Variants in SGCD observed in about 807,000 individuals in gnomAD.
SGCD encodes the protein delta-sarcoglycan.
Under a neutral mutation model 36.6 loss-of-function variants are expected in SGCD, and 18 were observed. The ratio of observed to expected loss-of-function variants is 0.49; its 90% CI spans 0.34 to 0.73. The LOEUF is 0.73. SGCD is among the 30% of genes least tolerant of loss of function. The pLI is 0.01. For missense variants in SGCD, 387 were observed against 346.7 expected, an observed-to-expected ratio of 1.12 and a Z score of -0.92; for synonymous variants, 133 against 130.6, an observed-to-expected ratio of 1.02 and a Z score of -0.12.
At chr5:156,630,974 TAACA>T (rs1255721265) in intron 6 of SGCD, among the ~76,000 whole-genome samples, 5 of 152,042 alleles carry the variant, frequency 3.3e-5, no homozygotes, top group African/African-American at 1.2e-4. Context: ...CTAAATAAAC[TAACA>T]AACAGAGAAA....
intron 3 of SGCD, among the ~76,000 whole-genome samples, chr5:156,183,031 G>A (rs374408227): frequency 1.3e-5 from 2 of 152,020 alleles, no homozygotes; most frequent in Non-Finnish European, 2.9e-5. Flanking sequence ...TGTAATCCTA[G>A]CACATTGGGA....
the SGCD span, among the ~76,000 whole-genome samples, chr5:155,841,393 C>A: frequency 6.6e-6 from 1 of 152,186 alleles, no homozygotes; most frequent in Non-Finnish European, 1.5e-5. Flanking sequence ...TTGCTAACAA[C>A]CTTCTCAAAC....
chr5:156,187,749 C>T (rs1258311290), intron 3 of SGCD, among the ~76,000 whole-genome samples: 1 of 152,042 alleles, frequency 6.6e-6, no homozygotes, highest in Non-Finnish European at 1.5e-5. Flanking sequence ...GTGGGAAAGA[C>T]CTTGAATGAG....
intron 6 of SGCD, among the ~76,000 whole-genome samples, chr5:156,596,737 G>T (rs529525977): frequency 1.3e-4 from 19 of 151,788 alleles, no homozygotes; most frequent in African/African-American, 4.1e-4. Flanking sequence ...CTCCAGTCTG[G>T]TATCTTCCTT....
chr5:156,471,360 G>T (rs1441260321), intron 3 of SGCD, among the ~76,000 whole-genome samples: 2 of 152,010 alleles, frequency 1.3e-5, no homozygotes, highest in African/African-American at 4.8e-5. Context: ...TTTTTAAAAA[G>T]AAAAATGTTG....
At chr5:156,669,511 A>G (rs1188399107) in intron 7 of SGCD, among the ~76,000 whole-genome samples, 2 of 152,242 alleles carry the variant, frequency 1.3e-5, no homozygotes, top group Non-Finnish European at 2.9e-5. Context: ...ACAATCCATA[A>G]GGATAAGCAG....
At chr5:156,004,956 A>G (rs998554417) in intron 1 of SGCD, among the ~76,000 whole-genome samples, 1 of 152,168 alleles carries the variant, frequency 6.6e-6, no homozygotes, top group African/African-American at 2.4e-5. Context: ...TAGCGGAGTG[A>G]TAAGTGAGTT....
chr5:155,850,092 AATTG>A, the SGCD span, among the ~76,000 whole-genome samples: 57 of 140,846 alleles, frequency 4.0e-4, no homozygotes, highest in South Asian at 0.012. Flanking sequence ...GGCTCATCCT[AATTG>A]ATTAAGTACC....
At chr5:156,181,995 A>G (rs575192428) in intron 3 of SGCD, among the ~76,000 whole-genome samples, 22 of 152,334 alleles carry the variant, frequency 1.4e-4, no homozygotes, top group Non-Finnish European at 2.5e-4. Flanking sequence ...GCACTAAGCA[A>G]TTTCCTGGAA....
At chr5:155,914,674 A>G (rs763116945) in intron 1 of SGCD, among the ~76,000 whole-genome samples, 4 of 152,214 alleles carry the variant, frequency 2.6e-5, no homozygotes, top group African/African-American at 7.2e-5. Flanking sequence ...TTAAAAGCGT[A>G]TATTAAGTCC....
intron 1 of SGCD, among the ~76,000 whole-genome samples, chr5:156,033,438 G>T (rs1332005078): frequency 6.6e-6 from 1 of 151,888 alleles, no homozygotes; most frequent in African/African-American, 2.4e-5. Flanking sequence ...CCTTCTATAT[G>T]TCCGTGTGTA....
At chr5:156,389,193 G>A (rs1771433427) in intron 3 of SGCD, among the ~76,000 whole-genome samples, 1 of 152,176 alleles carries the variant, frequency 6.6e-6, no homozygotes, top group Non-Finnish European at 1.5e-5. Context: ...AAAGCTGGGG[G>A]CAACCAGAAC....
Position 155,872,407 on chromosome 5 carries a change from C to T in SGCD, c.-282+1983C>T, listed in dbSNP as rs55700073. ...CACACTCTCATGGAAAACTCTATAG[C>T]CTATTGAAATTTTTGAAATCGTGCC... On this transcript the variant is annotated intron_variant, in intron 1 of 9. Transcript: ENST00000517913. Among the ~76,000 whole-genome samples the T allele has an allele frequency of 4.8e-3, 733 of 151,370 alleles. 5 individuals carry two copies. The highest frequency in any genetic ancestry group is 0.04 in the South Asian group (191 of 4,792).
intron 3 of SGCD, among the ~76,000 whole-genome samples, chr5:156,254,195 A>G (rs969259269): frequency 1.3e-5 from 2 of 152,148 alleles, no homozygotes; most frequent in Non-Finnish European, 2.9e-5. Flanking sequence ...TGCTTCAAAG[A>G]TTTTACCATT....
chr5:156,046,115 G>A (rs898073963), intron 1 of SGCD, among the ~76,000 whole-genome samples: 4 of 151,870 alleles, frequency 2.6e-5, no homozygotes, highest in African/African-American at 9.7e-5. Flanking sequence ...CTATGGCTTG[G>A]GGAGTCCATT....
chr5:156,293,740 G>A lies in SGCD; in HGVS notation c.-43-35794G>A, dbSNP rs149536203. Among the ~76,000 whole-genome samples the A allele has an allele frequency of 5.7e-3, 868 of 152,144 alleles. 3 individuals carry two copies. Among genetic ancestry groups the A allele is most frequent in the African/African-American group, 0.019 (773 of 41,522 alleles). ...GCTTGGTAGTAAGTTGTGAAATCAG[G>A]ACATATGAGTCCTTTAGTTTTGTTC... is the stretch of plus-strand genomic sequence containing the variant. On this transcript the variant is annotated intron_variant, in intron 3 of 9. Coordinates refer to the SGCD transcript ENST00000517913.
intron 1 of SGCD, among the ~76,000 whole-genome samples, chr5:155,915,054 G>T (rs1409818745): frequency 2.0e-5 from 3 of 152,108 alleles, no homozygotes; most frequent in Non-Finnish European, 4.4e-5. Context: ...AAACATTCAG[G>T]AGAAATAGAA....
chr5:156,671,537 G>T (rs1365618635), intron 7 of SGCD, among the ~76,000 whole-genome samples: 1 of 152,142 alleles, frequency 6.6e-6, no homozygotes, highest in African/African-American at 2.4e-5. Flanking sequence ...GCCTCCCAAA[G>T]TGCTGGGATT....
chr5:156,271,278 T>C (rs1766171050), intron 3 of SGCD, among the ~76,000 whole-genome samples: 1 of 152,174 alleles, frequency 6.6e-6, no homozygotes, highest in Non-Finnish European at 1.5e-5. Context: ...GATTCCATGG[T>C]CTTTCCAGAG....
Sources: gnomAD v4.1 joint callset for allele counts (sites outside exome capture counted in the v4.1 genomes callset) on GRCh38, gnomAD v4.1.1 for gene constraint, MANE v1.5 for transcripts, NCBI Gene and HGNC (gene_info 2026-07-23, HGNC 2026-07-21) for gene names.